The following SLIT3 variants were observed in gnomAD, a reference collection of about 807,000 sequenced individuals.
SLIT3 encodes slit homolog 3 protein.
Under a neutral mutation model 184.0 loss-of-function variants are expected in SLIT3, and 68 were observed. The observed-to-expected ratio is 0.37, with a 90% CI of 0.30 to 0.45. The LOEUF (loss-of-function observed/expected upper bound fraction) is 0.45, where lower values mean the gene tolerates loss of function less well. Among genes scored for constraint, SLIT3 ranks in the 20% least tolerant of loss-of-function variants. The probability of loss-of-function intolerance (pLI) is 1.00; values close to 1 mark genes in which losing one functional copy is unlikely to be tolerated. For missense variants in SLIT3, 1,707 were observed against 2,026.0 expected (o/e 0.84, Z 3.02); for synonymous variants, 831 against 828.6 (o/e 1.00, Z -0.05).
chr5:168,705,491 C>A (rs536338955), intron 26 of SLIT3, among the ~76,000 whole-genome samples: 2 of 152,142 alleles, frequency 1.3e-5, no homozygotes, highest in African/African-American at 4.8e-5. Flanking sequence ...ATCATCAACA[C>A]CATCACCATT....
At chr5:169,096,117 A>G (rs188188226) in intron 4 of SLIT3, among the ~76,000 whole-genome samples, 182 of 152,354 alleles carry the variant, frequency 1.2e-3, no homozygotes, top group Admixed American at 3.4e-3. Flanking sequence ...TGTTTTGCAC[A>G]TTTTACACAA....
chr5:169,283,879 T>C (rs1257570886), intron 1 of SLIT3, among the ~76,000 whole-genome samples: 1 of 152,184 alleles, frequency 6.6e-6, no homozygotes. Context: ...ATTTAGACTC[T>C]TAAAAAACAG....
At chr5:169,102,098 T>C (rs1760042442) in intron 4 of SLIT3, among the ~76,000 whole-genome samples, 1 of 152,234 alleles carries the variant, frequency 6.6e-6, no homozygotes, top group Non-Finnish European at 1.5e-5. Flanking sequence ...ACTCCGTGAA[T>C]GAATCCTGTA....
rs896387963 is a variant in SLIT3 at position 169,098,876 on chromosome 5, A to G, written c.413+94603T>C. ...AAGCCGGAGGAATTCTACTGATTAC[A>G]TCTCCAGCACAGCCACATTCCAGCG... is the stretch of plus-strand genomic sequence containing the variant. On this transcript the variant is annotated intron_variant, in intron 4 of 35. Coordinates refer to ENST00000519560, the MANE Select transcript of SLIT3 (RefSeq NM_003062.4). Among the ~76,000 whole-genome samples, 42 of 152,242 alleles carry G rather than the reference A, an allele frequency of 2.8e-4. 1 individual carries two copies. The highest frequency in any genetic ancestry group is 1.0e-3 in the African/African-American group (42 of 41,534).
At chr5:169,259,703 C>T (rs1435237823) in intron 1 of SLIT3, among the ~76,000 whole-genome samples, 1 of 152,172 alleles carries the variant, frequency 6.6e-6, no homozygotes, top group Non-Finnish European at 1.5e-5. Context: ...GGCATGATGT[C>T]TAGGAGATCC....
intron 4 of SLIT3, among the ~76,000 whole-genome samples, chr5:168,951,224 C>T (rs542445024): frequency 8.0e-4 from 121 of 152,178 alleles, no homozygotes; most frequent in Non-Finnish European, 1.3e-3. Context: ...TCTCAAAACA[C>T]GAAACAAAAC....
intron 4 of SLIT3, among the ~76,000 whole-genome samples, chr5:168,998,177 T>A (rs966871348): frequency 2.6e-5 from 4 of 152,188 alleles, no homozygotes; most frequent in Non-Finnish European, 5.9e-5. Context: ...GAAAATGTAT[T>A]TGAAGAATGA....
chr5:168,846,142 CAACA>C (rs1467922886), intron 5 of SLIT3, among the ~76,000 whole-genome samples: 4 of 152,210 alleles, frequency 2.6e-5, no homozygotes, highest in Non-Finnish European at 5.9e-5. Context: ...CCGTGCATTA[CAACA>C]GACAGACTCT....
intron 6 of SLIT3, among the ~76,000 whole-genome samples, chr5:168,843,389 T>G (rs1243820563): frequency 6.6e-6 from 1 of 152,204 alleles, no homozygotes; most frequent in East Asian, 1.9e-4. Flanking sequence ...TTGATTCTTC[T>G]GGAATCAGAG....
chr5:169,253,166 A>C (rs1011198918), intron 1 of SLIT3, among the ~76,000 whole-genome samples: 1 of 152,012 alleles, frequency 6.6e-6, no homozygotes, highest in Admixed American at 6.5e-5. Flanking sequence ...GCAGACAGAA[A>C]TCTGTACACA....
chr5:169,123,316 T>G (rs1760952002), intron 4 of SLIT3, among the ~76,000 whole-genome samples: 1 of 152,154 alleles, frequency 6.6e-6, no homozygotes, highest in South Asian at 2.1e-4. Context: ...TATGAAAAGT[T>G]GATGGGGACA....
chr5:168,755,401 CT>C (rs1011711764), intron 16 of SLIT3, among the ~76,000 whole-genome samples: 2 of 17,392 alleles, frequency 1.1e-4, no homozygotes, highest in East Asian at 2.0e-3. Context: ...TTCTTTCTTT[CT>C]TTCTTTCTTT....
At chr5:169,135,467 CAATTT>C (rs1482951936) in intron 4 of SLIT3, among the ~76,000 whole-genome samples, 1 of 152,044 alleles carries the variant, frequency 6.6e-6, no homozygotes, top group African/African-American at 2.4e-5. Flanking sequence ...TTCATAAGAC[CAATTT>C]AGCAGCTGTT....
chr5:168,998,893 C>CTGTGAATCTGTG (rs1554088818), intron 4 of SLIT3, among the ~76,000 whole-genome samples: 1 of 143,190 alleles, frequency 7.0e-6, no homozygotes, highest in Non-Finnish European at 1.5e-5. Flanking sequence ...ACCCAGAAAT[C>CTGTGAATCTGTG]TGTGTGTGTG....
chr5:169,293,922 C>T (rs1273499744), intron 1 of SLIT3, among the ~76,000 whole-genome samples: 1 of 152,192 alleles, frequency 6.6e-6, no homozygotes, highest in African/African-American at 2.4e-5. Flanking sequence ...GTAGAGGATT[C>T]CCAACATGAG....
At chr5:169,027,827 C>T (rs1756885050) in intron 4 of SLIT3, among the ~76,000 whole-genome samples, 1 of 152,178 alleles carries the variant, frequency 6.6e-6, no homozygotes. Flanking sequence ...ACCTAAACAG[C>T]CCCTGAAGCA....
At chr5:168,976,701 A>G (rs1295228164) in intron 4 of SLIT3, among the ~76,000 whole-genome samples, 3 of 152,234 alleles carry the variant, frequency 2.0e-5, no homozygotes, top group African/African-American at 7.2e-5. Context: ...CCAGGAAGAC[A>G]GATCAGTGTA....
At chr5:169,192,015 C>T (rs561409731) in intron 4 of SLIT3, among the ~76,000 whole-genome samples, 159 of 152,264 alleles carry the variant, frequency 1.0e-3, no homozygotes, top group South Asian at 2.9e-3. Context: ...AGGTGCAATG[C>T]AGTACTGGGT....
intron 16 of SLIT3, among the ~76,000 whole-genome samples, chr5:168,756,731 A>G (rs6862713): frequency 0.26 from 39,924 of 152,178 alleles, 5,701 homozygotes; most frequent in South Asian, 0.39. Flanking sequence ...TCCAGCAGCT[A>G]TAAGTCACCC....
Sources: allele counts gnomAD v4.1 joint callset (sites outside exome capture counted in the v4.1 genomes callset), GRCh38; gene constraint gnomAD v4.1.1; transcripts MANE v1.5; gene names NCBI Gene and HGNC (gene_info 2026-07-23, HGNC 2026-07-21).